AGMO: variants seen among roughly 807,000 people sequenced by gnomAD.
The protein encoded by AGMO is alkylglycerol monooxygenase.
Under a neutral mutation model 60.2 loss-of-function variants are expected in AGMO, and 75 were observed. The ratio of observed to expected loss-of-function variants is 1.25; its 90% CI spans 1.03 to 1.51. AGMO has a LOEUF of 1.51. Among genes scored for constraint, AGMO ranks in the 40% most tolerant of loss-of-function variants. AGMO has a pLI of 0.00. For synonymous variants in AGMO, 261 were observed against 177.1 expected (o/e 1.47, Z -3.76); for missense variants, 763 against 525.5 (o/e 1.45, Z -4.42).
rs1220313870 is a variant in AGMO, at chr7:15,354,393, T to TACAC, written c.1263+11117_1263+11120dup. Among the ~76,000 whole-genome samples, 5 of 41,104 alleles carry TACAC rather than the reference T, an allele frequency of 1.2e-4. No individual in the cohort carries two copies. The East Asian group carries it at 3.1e-3, about 26-fold the overall frequency. 27.0% of individuals were successfully genotyped at this position (41,104 alleles called of 152,430 possible). ...AGACGTGTGTATACACGTGTGTGTA[T>TACAC]ACACGTGTGTGTACACACGTGTGTG... is the stretch of plus-strand genomic sequence containing the variant. On this transcript the variant is annotated intron_variant, in intron 12 of 12. Coordinates refer to ENST00000342526, the MANE Select transcript of AGMO (RefSeq NM_001004320.2).
chr7:15,241,626 T>C (rs1197256600), intron 12 of AGMO, among the ~76,000 whole-genome samples: 1 of 152,132 alleles, frequency 6.6e-6, no homozygotes, highest in Admixed American at 6.5e-5. Context: ...GAGTCAAAGA[T>C]GAAGAGATTC....
chr7:15,389,022 C>G (rs1246291023), intron 8 of AGMO, among the ~76,000 whole-genome samples: 1 of 152,198 alleles, frequency 6.6e-6, no homozygotes, highest in Non-Finnish European at 1.5e-5. Context: ...AATCATCCCA[C>G]TATGTGTGCA....
At chr7:15,391,329 G>A (rs975747845) in intron 6 of AGMO, among the ~76,000 whole-genome samples, 4 of 151,852 alleles carry the variant, frequency 2.6e-5, no homozygotes, top group African/African-American at 9.7e-5. Context: ...AACTGCATCT[G>A]TTTCAGGAAG....
Position 15,315,022 on chromosome 7 carries a change from G to A in AGMO, c.1263+50492C>T, listed in dbSNP as rs574498076. On this transcript the variant is annotated intron_variant, in intron 12 of 12. Coordinates refer to ENST00000342526, the MANE Select transcript of AGMO (RefSeq NM_001004320.2). ...AATACTAACCGCCAGCTGATAGCCC[G>A]CAAGAAAAATGGGAACCTAAGTCCT... 7.9e-5 allele frequency among the ~76,000 whole-genome samples: 12 copies of A among 152,170 alleles called. No homozygotes were observed. The East Asian group carries it at 1.9e-3, about 25-fold the overall frequency.
chr7:15,188,942 A>G, the AGMO span, among the ~76,000 whole-genome samples: 1 of 152,200 alleles, frequency 6.6e-6, no homozygotes, highest in East Asian at 1.9e-4. Flanking sequence ...GGAGGAGATA[A>G]ATTAGAAACA....
At chr7:15,229,915 G>T (rs1337365923) in intron 12 of AGMO, among the ~76,000 whole-genome samples, 1 of 151,388 alleles carries the variant, frequency 6.6e-6, no homozygotes, top group African/African-American at 2.4e-5. Flanking sequence ...CTAATACTTT[G>T]TGATTGTGCC....
At chr7:15,490,905 T>G (rs984978037) in intron 3 of AGMO, among the ~76,000 whole-genome samples, 5 of 152,216 alleles carry the variant, frequency 3.3e-5, no homozygotes, top group African/African-American at 1.2e-4. Flanking sequence ...AAGCAGTTAG[T>G]AATAATCTAA....
intron 5 of AGMO, among the ~76,000 whole-genome samples, chr7:15,403,614 A>G (rs1241829545): frequency 6.6e-6 from 1 of 152,026 alleles, no homozygotes; most frequent in African/African-American, 2.4e-5. Context: ...TAGAAAAAGA[A>G]TAAAATCCAT....
At chr7:15,165,251 TA>T in the AGMO span, among the ~76,000 whole-genome samples, 1 of 151,596 alleles carries the variant, frequency 6.6e-6, no homozygotes, top group African/African-American at 2.4e-5. Context: ...AGGGAGAGAA[TA>T]AGGGTTGAAA....
At chr7:15,446,875 G>A (rs1245781862) in intron 3 of AGMO, among the ~76,000 whole-genome samples, 1 of 152,146 alleles carries the variant, frequency 6.6e-6, no homozygotes, top group Non-Finnish European at 1.5e-5. Context: ...AAACTGTTCA[G>A]GTTCACTGCA....
intron 12 of AGMO, among the ~76,000 whole-genome samples, chr7:15,310,031 C>T (rs1216625640): frequency 6.6e-6 from 1 of 152,100 alleles, no homozygotes. Context: ...AATATTTGCT[C>T]ATCATGGTGT....
At chr7:15,193,875 T>C in the AGMO span, among the ~76,000 whole-genome samples, 1 of 152,200 alleles carries the variant, frequency 6.6e-6, no homozygotes, top group East Asian at 1.9e-4. Flanking sequence ...TTCTTTTGTA[T>C]TTAACATCAA....
At chr7:15,329,738 G>A (rs1285434917) in intron 12 of AGMO, among the ~76,000 whole-genome samples, 1 of 152,150 alleles carries the variant, frequency 6.6e-6, no homozygotes, top group Non-Finnish European at 1.5e-5. Context: ...CAGAGATTAA[G>A]TAACTTAGTC....
At chr7:15,545,075 A>C (rs1409641615) in intron 2 of AGMO, 152 bp from the exon 3 acceptor site, 1 of 519,394 alleles carries the variant, frequency 1.9e-6, no homozygotes, top group African/African-American at 2.0e-5. Flanking sequence ...TTCCTTTTAA[A>C]GGCTCAAATT....
At chr7:15,386,169 A>G (rs959434508) in intron 9 of AGMO, among the ~76,000 whole-genome samples, 7 of 107,576 alleles carry the variant, frequency 6.5e-5, no homozygotes, top group Admixed American at 5.5e-4. Context: ...CAACAGTCCC[A>G]AAAGAAAAAA....
At chr7:15,174,289 A>G in the AGMO span, among the ~76,000 whole-genome samples, 2 of 152,098 alleles carry the variant, frequency 1.3e-5, no homozygotes, top group African/African-American at 4.8e-5. Context: ...CTGGAAAACT[A>G]AAGTTAACCC....
intron 12 of AGMO, among the ~76,000 whole-genome samples, chr7:15,219,721 C>G (rs1165515748): frequency 6.6e-6 from 1 of 152,036 alleles, no homozygotes; most frequent in African/African-American, 2.4e-5. Context: ...GACACCATCT[C>G]AGTAAGCTGA....
At chr7:15,228,228 T>TA (rs1005554384) in intron 12 of AGMO, among the ~76,000 whole-genome samples, 7 of 152,042 alleles carry the variant, frequency 4.6e-5, no homozygotes, top group South Asian at 2.1e-4. Context: ...GGCAAGTGAT[T>TA]AAAAAAAATC....
intron 12 of AGMO, among the ~76,000 whole-genome samples, chr7:15,334,990 T>C (rs1045097437): frequency 8.5e-5 from 13 of 152,200 alleles, no homozygotes; most frequent in African/African-American, 3.1e-4. Flanking sequence ...TTTGGATTTT[T>C]ATTGGAGATG....
Sources: gnomAD v4.1 joint callset for allele counts (sites outside exome capture counted in the v4.1 genomes callset) on GRCh38, gnomAD v4.1.1 for gene constraint, MANE v1.5 for transcripts, NCBI Gene and HGNC (gene_info 2026-07-23, HGNC 2026-07-21) for gene names.